Variants in SIDT2 observed in about 807,000 individuals in gnomAD.
SIDT2 encodes the protein SID1 transmembrane family member 2.
A neutral mutation model predicts 114.4 loss-of-function variants in SIDT2; 68 were observed. The observed-to-expected ratio is 0.59, with a 90% CI of 0.49 to 0.73. The LOEUF is 0.73. Ranked by LOEUF, SIDT2 falls within the 30% of genes least tolerant of loss-of-function variation. SIDT2 has a pLI of 0.00. For missense variants in SIDT2, 918 were observed against 1,097.1 expected (o/e 0.84, Z 2.31); for synonymous variants, 470 against 438.4 (o/e 1.07, Z -0.90).
Position 117,181,949 on chromosome 11 carries a change from C to A in SIDT2, c.448C>A (p.Arg150Ser), listed in dbSNP as rs750688853. ...CACCACATACCAGCTCCGGGTCAGCCGCATGGACGATTTTGTGCTCAGGTC... is the reference window on the plus strand; with the variant it reads ...CACCACATACCAGCTCCGGGTCAGCAGCATGGACGATTTTGTGCTCAGGTC... Reference protein sequence around the residue: ...VNTTYQLRVSRMDDFVLRTGE... With the variant: ...VNTTYQLRVSSMDDFVLRTGE... The change falls in exon 3 of 26, where the codon CGC becomes AGC. Residue 150 changes from arginine to serine, a missense_variant. Around this residue, in one of 4 missense-constraint regions of SIDT2, gnomAD observed 553 missense variants for 600.1 expected, o/e 0.92. Coordinates refer to ENST00000324225, the MANE Select transcript of SIDT2 (RefSeq NM_001040455.2). 11 of 1,614,010 alleles carry A rather than the reference C, an allele frequency of 6.8e-6. No individual in the cohort carries two copies. Among genetic ancestry groups the A allele is most frequent in the Admixed American group, 1.7e-5 (1 of 60,000 alleles).
chr11:117,185,896 GT>G (rs2134252152), intron 8 of SIDT2: 2 of 246,252 alleles, frequency 8.1e-6, no homozygotes, highest in East Asian at 8.8e-5. Context: ...AAAAAAAAAA[GT>G]AGAAGAGAAA....
Position 117,193,919 on chromosome 11 carries a change from G to T in SIDT2, c.2278G>T (p.Gly760Cys), listed in dbSNP as rs2030795704. Residue 760 changes from glycine to cysteine, a missense_variant, in exon 24 of 26, where the codon GGC (glycine) becomes TGC (cysteine). This residue lies in a region of SIDT2 where 275 missense variants were observed against 397.6 expected (regional missense o/e 0.69). Transcript: ENST00000324225. The stretch of plus-strand genomic sequence containing the variant: ...CATCGTTTGCACCTCCGTGGTCTGG[G>T]GCTTCGCGCTCTTCTTCTTCTTCCA... ...LCIVCTSVVW[G>C]FALFFFFQGL... 6.2e-7 allele frequency: 1 copy of T among 1,613,946 alleles called. No individual in the cohort carries two copies. The highest frequency in any genetic ancestry group is 8.5e-7 in the Non-Finnish European group (1 of 1,180,026).
chr11:117,186,876 C>T (rs1329478535), intron 10 of SIDT2: 2 of 1,282,200 alleles, frequency 1.6e-6, no homozygotes, highest in Non-Finnish European at 2.2e-6. Flanking sequence ...TGGTGTCTGC[C>T]TGCCTTGGGC....
At position 117,179,800 on chromosome 11, in the gene SIDT2, CT is replaced by C. The variant is rs749919853; in HGVS notation, c.183+356del. On this transcript the variant is annotated intron_variant, in intron 1 of 25. Coordinates refer to ENST00000324225, the MANE Select transcript of SIDT2 (RefSeq NM_001040455.2). Reference sequence around the variant, plus strand: ...GAGAGGAAACAGGCTTATTACTGGGCTTGCCCAGAAAACCTCAGGGGAATGA... The same window carrying C: ...GAGAGGAAACAGGCTTATTACTGGGCTGCCCAGAAAACCTCAGGGGAATGA... The C allele has an allele frequency of 5.6e-4, 115 of 203,926 alleles. 1 individual carries two copies. The highest frequency in any genetic ancestry group is 5.6e-3 in the Middle Eastern group (3 of 538). 12.6% of individuals were successfully genotyped at this position (203,926 alleles called of 1,614,324 possible).
chr11:117,195,417 A>C (rs1265638246), intron 24 of SIDT2, among the ~76,000 whole-genome samples: 1 of 152,174 alleles, frequency 6.6e-6, no homozygotes, highest in African/African-American at 2.4e-5. Flanking sequence ...TGGAAAAAAC[A>C]ATGAGCCTGC....
In SIDT2 at chr11:117,196,077, GCCCTTCGCTTCA is replaced by G; in HGVS notation, c.*14_*25del. The G allele has an allele frequency of 6.2e-7, 1 of 1,614,152 alleles. No individual in the cohort carries two copies. The highest frequency in any genetic ancestry group is 1.1e-5 in the South Asian group (1 of 91,076). ...ATCTATGTCTTCTAGCAGGAGCTGG[GCCCTTCGCTTCA>G]CCTCAAGGGGCCCTGAGCTCCTTTG... On this transcript the variant is annotated 3_prime_UTR_variant, in exon 26 of 26. Transcript: ENST00000324225. The surrounding 1 kb of genome is among the most constrained non-coding windows in gnomAD (Gnocchi z 4.9).
intron 9 of SIDT2, 131 bp downstream of exon 9, chr11:117,186,354 A>G (rs2030497009): frequency 3.4e-6 from 3 of 877,082 alleles, no homozygotes; most frequent in Non-Finnish European, 5.5e-6. Flanking sequence ...TGGGGCTGTT[A>G]GAGTCTGTGG....
At chr11:117,181,567 G>A (rs764924554) in intron 2 of SIDT2, 30 bp downstream of exon 2, 2 of 1,613,424 alleles carry the variant, frequency 1.2e-6, no homozygotes, top group South Asian at 1.1e-5. Context: ...CAGGGAAGCG[G>A]GGCAGCCTAG....
chr11:117,190,210 G>T lies in SIDT2; in HGVS notation c.1538G>T (p.Gly513Val). ...ILSNLGYILL[G>V]LLFLLIILQR... Reference sequence around the variant, plus strand: ...AGCAACCTGGGGTACATCCTGCTGGGGCTGCTTTTCCTGCTCATCATCCTG... The same window carrying T: ...AGCAACCTGGGGTACATCCTGCTGGTGCTGCTTTTCCTGCTCATCATCCTG... Residue 513 changes from glycine to valine, a missense_variant, in exon 17 of 26, where the codon GGG (glycine) becomes GTG (valine). Transcript: ENST00000324225. The surrounding 1 kb of genome is among the most constrained non-coding windows in gnomAD (Gnocchi z 4.1). The T allele has an allele frequency of 6.3e-7, 1 of 1,582,604 alleles. No individual in the cohort carries two copies. Among genetic ancestry groups the T allele is most frequent in the Non-Finnish European group, 8.6e-7 (1 of 1,164,488 alleles).
Position 117,188,499 on chromosome 11 carries a change from T to C in SIDT2, c.1160-209T>C, listed in dbSNP as rs921847282. The C allele has an allele frequency of 5.6e-5, 33 of 592,062 alleles. No individual in the cohort carries two copies. Among genetic ancestry groups the C allele is most frequent in the African/African-American group, 5.2e-4 (28 of 53,870 alleles). The allele number at this position is 592,062 out of a possible 1,614,324, so 36.7% of individuals were successfully genotyped here. A position where few individuals can be genotyped will look rare whatever the true frequency, so the allele number is the denominator to read the frequency against. ...AGAGCGGCCCCTGTGTGGTGGCCTC[T>C]TCTAGAGTCTACCATCATCCCCCAG... On this transcript the variant is annotated intron_variant, in intron 12 of 25. Transcript: ENST00000324225. The surrounding 1 kb of genome is among the most constrained non-coding windows in gnomAD (Gnocchi z 4.0).
intron 24 of SIDT2, among the ~76,000 whole-genome samples, chr11:117,195,219 G>A (rs982931239): frequency 6.6e-6 from 1 of 151,996 alleles, no homozygotes; most frequent in African/African-American, 2.4e-5. Context: ...TTGGGAGCCA[G>A]GCAGACTGTG....
intron 8 of SIDT2, among the ~76,000 whole-genome samples, chr11:117,185,231 A>G (rs1200897569): frequency 6.6e-6 from 1 of 151,742 alleles, no homozygotes; most frequent in Non-Finnish European, 1.5e-5. Context: ...TTGTATTTTT[A>G]GTAGAGAAGG....
intron 1 of SIDT2, 132 bp downstream of exon 1, chr11:117,179,578 C>A: frequency 1.2e-6 from 1 of 849,660 alleles, no homozygotes; most frequent in East Asian, 2.7e-5. Flanking sequence ...TTCCCAGAAC[C>A]ACACTGGAGC....
In SIDT2 at chr11:117,193,406, C is replaced by G; in HGVS notation, c.2211+148C>G. On this transcript the variant is annotated intron_variant, in intron 23 of 25. Transcript: ENST00000324225. ...AGAGGCTAAAGCCTCTTGCATGGGC[C>G]CCTGGGAGCCAACTGCAGCCCAAAG... The G allele has an allele frequency of 6.8e-6, 5 of 734,284 alleles. No homozygotes were observed. In the East Asian group the frequency reaches 9.9e-5, roughly 15 times the overall value. 45.5% of individuals were successfully genotyped at this position (734,284 alleles called of 1,614,324 possible). A position where few individuals can be genotyped will look rare whatever the true frequency, so the allele number is the denominator to read the frequency against.
intron 1 of SIDT2, chr11:117,179,728 C>T (rs1412012375): frequency 2.8e-6 from 1 of 353,896 alleles, no homozygotes; most frequent in African/African-American, 2.1e-5. Context: ...ATGGCTTGCT[C>T]TCTACCCTAA....
Position 117,195,785 on chromosome 11 carries a change from T to C in SIDT2, c.2323-17T>C, listed in dbSNP as rs752055569. On this transcript the variant is annotated splice_polypyrimidine_tract_variant and intron_variant, in intron 24 of 25. Transcript: ENST00000324225. The stretch of plus-strand genomic sequence containing the variant: ...CAGAGCAGGGTCATTCGGCAGTTTT[T>C]CTTGTTGCTCCCCAAGAAAACCCCT... The C allele has an allele frequency of 1.2e-6, 2 of 1,613,832 alleles. No homozygotes were observed. The highest frequency in any genetic ancestry group is 1.7e-6 in the Non-Finnish European group (2 of 1,179,766).
Position 117,189,062 on chromosome 11 carries a change from C to G in SIDT2, c.1279-107C>G. On this transcript the variant is annotated intron_variant, in intron 13 of 25. Transcript: ENST00000324225. ...TGGGATGTCCTTGAACCCTGCCCCC[C>G]TGAATTCGGCCCTGTGTGAGGGAGG... 3.3e-6 allele frequency: 4 copies of G among 1,221,626 alleles called. No individual in the cohort carries two copies. The Admixed American group carries it at 6.9e-5, about 21-fold the overall frequency. 75.7% of individuals were successfully genotyped at this position (1,221,626 alleles called of 1,614,324 possible).
intron 1 of SIDT2, 135 bp downstream of exon 1, chr11:117,179,581 A>C: frequency 2.4e-6 from 2 of 842,110 alleles, no homozygotes; most frequent in Non-Finnish European, 3.6e-6. Flanking sequence ...CCAGAACCAC[A>C]CTGGAGCCTC....
intron 10 of SIDT2, chr11:117,186,944 T>C: frequency 6.8e-7 from 1 of 1,480,568 alleles, no homozygotes; most frequent in Non-Finnish European, 9.0e-7. Context: ...CTTCCACCCC[T>C]CCCTCTCTTT....
Sources: allele counts gnomAD v4.1 joint callset (sites outside exome capture counted in the v4.1 genomes callset), GRCh38; gene constraint gnomAD v4.1.1; regional missense constraint gnomAD v4.1.1; non-coding constraint Gnocchi (gnomAD v3.1); transcripts MANE v1.5; gene names NCBI Gene and HGNC (gene_info 2026-07-23, HGNC 2026-07-21).